Variants in DDC observed in about 807,000 individuals in gnomAD.
The protein encoded by DDC is aromatic-L-amino-acid decarboxylase.
A neutral mutation model predicts 60.0 loss-of-function variants in DDC; 43 were observed. The observed-to-expected ratio is 0.72, with a 90% CI of 0.56 to 0.92. DDC has a LOEUF of 0.92. Among genes scored for constraint, DDC ranks in the 40% least tolerant of loss-of-function variants. The pLI is 0.00. For synonymous variants in DDC, 232 were observed against 234.6 expected (o/e 0.99, Z 0.10); for missense variants, 573 against 620.2 (o/e 0.92, Z 0.81).
rs200309433 is a variant in DDC, at chr7:50,557,958, ATTTT to A, written c.-29+7323_-29+7326del. Among the ~76,000 whole-genome samples the A allele has an allele frequency of 6.6e-3, 1,011 of 152,214 alleles. 12 individuals carry two copies. The highest frequency in any genetic ancestry group is 0.023 in the African/African-American group (956 of 41,522). On this transcript the variant is annotated intron_variant, in intron 1 of 14. Transcript: ENST00000444124. The stretch of plus-strand genomic sequence containing the variant: ...AACCTTAAAACATTCAAATTTTATT[ATTTT>A]CATTCATGGTTGCTAATTTTGAAAG...
intron 13 of DDC, 33 bp from the exon 14 acceptor site, chr7:50,463,464 G>T (rs1303265009): frequency 6.3e-7 from 1 of 1,588,292 alleles, no homozygotes; most frequent in Admixed American, 1.7e-5. Flanking sequence ...ACTGTGCTCA[G>T]GTCTCTGAGG....
chr7:50,528,430 C>T, intron 5 of DDC, 150 bp from the exon 6 acceptor site: 1 of 882,736 alleles, frequency 1.1e-6, no homozygotes. Context: ...GCTCCCTCTC[C>T]CCTGCACCTT....
At chr7:50,493,206 G>A (rs1376671714) in intron 9 of DDC, among the ~76,000 whole-genome samples, 5 of 152,174 alleles carry the variant, frequency 3.3e-5, no homozygotes, top group Non-Finnish European at 4.4e-5. Context: ...GGACTTAGAA[G>A]GGAGCCTGGA....
At chr7:50,532,382 G>A (rs1316966563) in intron 4 of DDC, among the ~76,000 whole-genome samples, 2 of 152,214 alleles carry the variant, frequency 1.3e-5, no homozygotes, top group Non-Finnish European at 2.9e-5. Context: ...TCTCAAAAAT[G>A]AGGTTGTCTT....
At chr7:50,564,849 G>A (rs1354046397) in intron 1 of DDC, among the ~76,000 whole-genome samples, 1 of 152,174 alleles carries the variant, frequency 6.6e-6, no homozygotes, top group East Asian at 1.9e-4. Flanking sequence ...GGGAAGGGCA[G>A]AGTTCACATT....
intron 6 of DDC, among the ~76,000 whole-genome samples, chr7:50,520,091 AC>A (rs563435210): frequency 6.6e-6 from 1 of 152,198 alleles, no homozygotes; most frequent in Non-Finnish European, 1.5e-5. Flanking sequence ...AGACTTTGTC[AC>A]CCCTTTGTCA....
chr7:50,561,481 G>T (rs754986766), intron 1 of DDC, among the ~76,000 whole-genome samples: 2 of 152,162 alleles, frequency 1.3e-5, no homozygotes, highest in Non-Finnish European at 2.9e-5. Context: ...ATACCCGGGA[G>T]GCTCAGGGTC....
At chr7:50,465,817 T>C (rs1022181144) in intron 13 of DDC, among the ~76,000 whole-genome samples, 3 of 152,240 alleles carry the variant, frequency 2.0e-5, no homozygotes, top group African/African-American at 7.2e-5. Context: ...ATAAGCACGA[T>C]GCCAACACTA....
At chr7:50,518,046 A>G (rs2043786390) in intron 6 of DDC, among the ~76,000 whole-genome samples, 1 of 151,556 alleles carries the variant, frequency 6.6e-6, no homozygotes, top group South Asian at 2.1e-4. Flanking sequence ...CATCTCTACT[A>G]AAAAATACAA....
Position 50,534,939 on chromosome 7 carries a change from C to T in DDC, c.435+2921G>A, listed in dbSNP as rs543439147. Reference sequence around the variant, plus strand: ...ACAGTGTGCAGTAGCTCCCTCCCCTCGCTGGAAGGGCACCTGTGACAGCCT... The same window carrying T: ...ACAGTGTGCAGTAGCTCCCTCCCCTTGCTGGAAGGGCACCTGTGACAGCCT... On this transcript the variant is annotated intron_variant, in intron 4 of 14. Coordinates refer to ENST00000444124, the MANE Select transcript of DDC (RefSeq NM_001082971.2). Among the ~76,000 whole-genome samples, 55 of 152,314 alleles carry T rather than the reference C, an allele frequency of 3.6e-4. 1 individual carries two copies. Among genetic ancestry groups the T allele is most frequent in the Middle Eastern group, 3.4e-3 (1 of 294 alleles).
intron 9 of DDC, among the ~76,000 whole-genome samples, chr7:50,490,005 C>T (rs2042966051): frequency 6.6e-6 from 1 of 152,204 alleles, no homozygotes; most frequent in African/African-American, 2.4e-5. Context: ...TAAGTCTCTT[C>T]TCTCAAAGAA....
chr7:50,486,952 GCTC>G (rs1177145806), intron 9 of DDC, among the ~76,000 whole-genome samples: 1 of 151,986 alleles, frequency 6.6e-6, no homozygotes, highest in East Asian at 1.9e-4. Context: ...TCCCCTGCCT[GCTC>G]CTTTTCTCTT....
Position 50,528,212 on chromosome 7 carries a change from G to A in DDC, c.639C>T (p.Gly213=), listed in dbSNP as rs2044095773. The A allele has an allele frequency of 6.2e-7, 1 of 1,614,164 alleles. No individual in the cohort carries two copies. The highest frequency in any genetic ancestry group is 8.5e-7 in the Non-Finnish European group (1 of 1,180,036). ...GVKLKAIPSD[G]NFAMRASALQ... ...GGGCAGACGCACGCATGGCGAAGTT[G>A]CCATCTGAGGGGATGGCTTTTAATT... Residue 213 remains glycine (G), a synonymous_variant, in exon 6 of 15, where the codon GGC becomes GGT. Transcript: ENST00000444124.
chr7:50,461,768 C>G (rs1169439079), intron 14 of DDC, among the ~76,000 whole-genome samples: 1 of 152,232 alleles, frequency 6.6e-6, no homozygotes, highest in African/African-American at 2.4e-5. Flanking sequence ...ATATAAGCCT[C>G]TCCCCACTAC....
intron 9 of DDC, among the ~76,000 whole-genome samples, chr7:50,491,978 C>T (rs903338795): frequency 1.3e-5 from 2 of 152,202 alleles, no homozygotes; most frequent in Non-Finnish European, 1.5e-5. Flanking sequence ...TGAGACCTGT[C>T]TCAGATACTT....
chr7:50,466,367 C>T (rs1023211009), intron 13 of DDC, among the ~76,000 whole-genome samples: 4 of 151,962 alleles, frequency 2.6e-5, no homozygotes, highest in Admixed American at 2.6e-4. Context: ...CACCTGTAAT[C>T]CCAGCTACTC....
intron 14 of DDC, among the ~76,000 whole-genome samples, chr7:50,461,536 C>G (rs2042273078): frequency 6.6e-6 from 1 of 152,162 alleles, no homozygotes; most frequent in Non-Finnish European, 1.5e-5. Flanking sequence ...CACACCTTTG[C>G]TGATAAATTT....
intron 7 of DDC, among the ~76,000 whole-genome samples, chr7:50,501,945 G>A (rs1452638937): frequency 6.6e-6 from 1 of 152,118 alleles, no homozygotes; most frequent in Non-Finnish European, 1.5e-5. Flanking sequence ...ATGATGGCAT[G>A]TGCCTGTGAT....
Position 50,467,203 on chromosome 7 carries a change from T to C in DDC, c.1242+11A>G, listed in dbSNP as rs113510841. The C allele has an allele frequency of 5.7e-5, 92 of 1,607,092 alleles. No individual in the cohort carries two copies. In the African/African-American group the frequency reaches 9.5e-4, roughly 17 times the overall value. On this transcript the variant is annotated intron_variant, in intron 13 of 14. Transcript: ENST00000444124. ...CACAGAAAATGAAGAATGGAATAGA[T>C]GTAGACAAACCTTTAGCCGAAAGCA...
Sources: gnomAD v4.1 joint callset for allele counts (sites outside exome capture counted in the v4.1 genomes callset) on GRCh38, gnomAD v4.1.1 for gene constraint, MANE v1.5 for transcripts, NCBI Gene and HGNC (gene_info 2026-07-23, HGNC 2026-07-21) for gene names.